Variants in RNF130 observed in about 807,000 individuals in gnomAD.
RNF130 encodes the protein ring finger protein 130.
RNF130 carries 21 observed loss-of-function variants against 44.6 expected under a neutral mutation model. The ratio of observed to expected loss-of-function variants is 0.47; its 90% confidence interval spans 0.33 to 0.68. RNF130 has a LOEUF of 0.68. Ranked by LOEUF, RNF130 falls within the 30% of genes least tolerant of loss-of-function variation. The pLI is 0.02. For missense variants in RNF130, 479 were observed against 560.6 expected (o/e 0.85, Z 1.47); for synonymous variants, 214 against 210.4 (o/e 1.02, Z -0.15).
At chr5:179,984,468 T>C (rs959202410) in intron 3 of RNF130, among the ~76,000 whole-genome samples, 12 of 152,184 alleles carry the variant, frequency 7.9e-5, no homozygotes, top group Non-Finnish European at 1.2e-4. Context: ...GGAATCGATG[T>C]TGGACTTCGG....
chr5:179,995,900 T>G (rs988341064), intron 3 of RNF130, among the ~76,000 whole-genome samples: 2 of 152,256 alleles, frequency 1.3e-5, no homozygotes, highest in African/African-American at 4.8e-5. Flanking sequence ...GCACACTATT[T>G]TGCTTTTTCC....
In RNF130 at chr5:180,009,639, T is replaced by C. The variant is rs146879255; in HGVS notation, c.693+3422A>G. Among the ~76,000 whole-genome samples, 7 of 152,370 alleles carry C rather than the reference T, an allele frequency of 4.6e-5. No homozygotes were observed. In the East Asian group the frequency reaches 1.2e-3, roughly 25 times the overall value. On this transcript the variant is annotated intron_variant, in intron 3 of 8. Coordinates refer to ENST00000521389, the MANE Select transcript of RNF130 (RefSeq NM_018434.6). ...TTTCTAGCAGGAATGCAAAATGGTA[T>C]GGCCACTTTGCAAAATGAGTCTAAC...
chr5:179,966,228 A>G (rs1197202755), intron 7 of RNF130, among the ~76,000 whole-genome samples: 2 of 151,488 alleles, frequency 1.3e-5, no homozygotes, highest in African/African-American at 4.9e-5. Context: ...AGCTCACGGT[A>G]TTTTTTTTTC....
intron 2 of RNF130, among the ~76,000 whole-genome samples, chr5:180,037,892 ACT>A (rs1444997551): frequency 1.7e-4 from 26 of 151,946 alleles, no homozygotes; most frequent in African/African-American, 6.3e-4. Flanking sequence ...GCACACCTCC[ACT>A]GTTTGCCTTA....
intron 3 of RNF130, among the ~76,000 whole-genome samples, chr5:180,002,835 A>G (rs1763376404): frequency 6.6e-6 from 1 of 151,940 alleles, no homozygotes; most frequent in Non-Finnish European, 1.5e-5. Context: ...TAAGTTGTTT[A>G]TTTATTGTTC....
At chr5:179,943,370 A>T (rs1761991570) in intron 7 of RNF130, among the ~76,000 whole-genome samples, 1 of 152,178 alleles carries the variant, frequency 6.6e-6, no homozygotes, top group South Asian at 2.1e-4. Context: ...GACAACAGAG[A>T]CTGCCAGGAG....
intron 1 of RNF130, among the ~76,000 whole-genome samples, chr5:180,065,557 G>C (rs1302234741): frequency 2.6e-5 from 4 of 152,036 alleles, no homozygotes; most frequent in Admixed American, 6.6e-5. Context: ...TCAGGAGATC[G>C]AGACCATCCT....
intron 7 of RNF130, among the ~76,000 whole-genome samples, chr5:179,927,298 C>T (rs185401085): frequency 6.6e-6 from 1 of 151,916 alleles, no homozygotes; most frequent in African/African-American, 2.4e-5. Flanking sequence ...GGAAATACAC[C>T]AGATGTGTAC....
intron 2 of RNF130, among the ~76,000 whole-genome samples, chr5:180,024,105 A>G (rs1763935382): frequency 6.6e-6 from 1 of 152,212 alleles, no homozygotes; most frequent in South Asian, 2.1e-4. Flanking sequence ...GACATTCTAC[A>G]ACATGCTGGG....
chr5:180,071,343 G>C (rs1305199941), intron 1 of RNF130, 113 bp downstream of exon 1: 13 of 1,075,096 alleles, frequency 1.2e-5, no homozygotes, highest in South Asian at 4.8e-5. Context: ...GGCTGGGGCT[G>C]TCGGCCGGGC....
At chr5:180,044,052 G>A (rs1764492067) in intron 1 of RNF130, among the ~76,000 whole-genome samples, 1 of 152,132 alleles carries the variant, frequency 6.6e-6, no homozygotes, top group Non-Finnish European at 1.5e-5. Context: ...CTATAATTAA[G>A]TAGTATTACT....
At chr5:180,040,429 TCAA>T in intron 2 of RNF130, 21 bp downstream of exon 2, 1 of 1,594,606 alleles carries the variant, frequency 6.3e-7, no homozygotes, top group Non-Finnish European at 8.6e-7. Flanking sequence ...AAAAACAAAA[TCAA>T]CAACCCTCAT....
intron 3 of RNF130, among the ~76,000 whole-genome samples, chr5:179,991,588 G>A (rs1334697621): frequency 6.6e-5 from 10 of 151,928 alleles, no homozygotes; most frequent in African/African-American, 9.7e-5. Context: ...AACACTTGTC[G>A]TCAAGTTGTG....
intron 1 of RNF130, among the ~76,000 whole-genome samples, chr5:180,055,385 C>T (rs1477772860): frequency 6.7e-6 from 1 of 150,274 alleles, no homozygotes; most frequent in Non-Finnish European, 1.5e-5. Flanking sequence ...GTTTTACTGG[C>T]ATTTAATTAA....
At chr5:180,038,125 C>T (rs1764293233) in intron 2 of RNF130, among the ~76,000 whole-genome samples, 1 of 152,166 alleles carries the variant, frequency 6.6e-6, no homozygotes, top group African/African-American at 2.4e-5. Context: ...GTGATCACGG[C>T]TCACTGTAGT....
chr5:180,021,237 C>T (rs1763864790), intron 2 of RNF130, among the ~76,000 whole-genome samples: 1 of 152,156 alleles, frequency 6.6e-6, no homozygotes. Flanking sequence ...ATCCGCCTGC[C>T]TCGGCCTCCC....
At chr5:180,034,245 T>C (rs1764199225) in intron 2 of RNF130, among the ~76,000 whole-genome samples, 1 of 152,086 alleles carries the variant, frequency 6.6e-6, no homozygotes, top group Non-Finnish European at 1.5e-5. Context: ...GTAATGAATC[T>C]AATCCATTTT....
intron 7 of RNF130, among the ~76,000 whole-genome samples, chr5:179,935,320 A>G (rs1428056793): frequency 6.6e-6 from 1 of 152,164 alleles, no homozygotes; most frequent in Admixed American, 6.5e-5. Flanking sequence ...TGTGTACTTA[A>G]AAAAATATAT....
rs1422451479 is a variant in RNF130, at chr5:180,071,678, GGCCCGCCCGCCCCGCGCA to G, written c.7_24del (p.Cys3_Gly8del). On this transcript the variant is annotated inframe_deletion, in exon 1 of 9. Coordinates refer to ENST00000521389, the MANE Select transcript of RNF130 (RefSeq NM_018434.6). ...AGGGCGAGCGCGGCGAGCCGGGCAG[GGCCCGCCCGCCCCGCGCA>G]GCTCATCGTCCCTCCGGCAGCCGCC... 7.1e-7 allele frequency: 1 copy of G among 1,407,366 alleles called. No homozygotes were observed. The highest frequency in any genetic ancestry group is 1.5e-5 in the South Asian group (1 of 68,048). 87.2% of individuals were successfully genotyped at this position (1,407,366 alleles called of 1,614,324 possible).
Sources: gnomAD v4.1 joint callset for allele counts (sites outside exome capture counted in the v4.1 genomes callset) on GRCh38, gnomAD v4.1.1 for gene constraint, MANE v1.5 for transcripts, NCBI Gene and HGNC (gene_info 2026-07-23, HGNC 2026-07-21) for gene names.